Variants in TTLL6 observed in about 807,000 individuals in gnomAD.
TTLL6 encodes tubulin polyglutamylase TTLL6.
A neutral mutation model predicts 96.4 loss-of-function variants in TTLL6; 75 were observed. The ratio of observed to expected loss-of-function variants is 0.78; its 90% CI spans 0.65 to 0.94. The LOEUF (loss-of-function observed/expected upper bound fraction) is 0.94. Ranked by LOEUF, TTLL6 falls within the 40% of genes least tolerant of loss-of-function variation. TTLL6 has a pLI of 0.00. For missense variants in TTLL6, 1,030 were observed against 1,093.0 expected, an observed-to-expected ratio of 0.94 and a Z score of 0.81; for synonymous variants, 411 against 419.4, an observed-to-expected ratio of 0.98 and a Z score of 0.24.
chr17:48,815,452 T>C (rs2039655696), intron 1 of TTLL6: 1 of 152,258 alleles, frequency 6.6e-6, no homozygotes, highest in Non-Finnish European at 1.5e-5. Flanking sequence ...GTAAGACCTC[T>C]GGATCTTGCT....
At chr17:48,784,869 G>C in intron 13 of TTLL6, 54 bp downstream of exon 13, 1 of 1,495,680 alleles carries the variant, frequency 6.7e-7, no homozygotes, top group Non-Finnish European at 9.2e-7. Flanking sequence ...GTAGAGAAAG[G>C]ACCAGTAAGC....
intron 8 of TTLL6, 139 bp downstream of exon 8, chr17:48,795,922 C>G (rs763568834): frequency 6.3e-6 from 4 of 630,228 alleles, no homozygotes; most frequent in Non-Finnish European, 1.1e-5. Flanking sequence ...TTCTGGGTTG[C>G]GAGGCAAAGG....
chr17:48,774,492 A>G (rs1012594895), intron 13 of TTLL6, among the ~76,000 whole-genome samples: 4 of 151,968 alleles, frequency 2.6e-5, no homozygotes, highest in African/African-American at 7.2e-5. Context: ...TAAAAGGTCA[A>G]TAAAATTGAT....
At chr17:48,767,992 C>G (rs2038649184) in intron 15 of TTLL6, among the ~76,000 whole-genome samples, 1 of 152,182 alleles carries the variant, frequency 6.6e-6, no homozygotes, top group Admixed American at 6.5e-5. Flanking sequence ...CTTCTGGGAT[C>G]TCCATATATG....
chr17:48,804,060 C>T, intron 2 of TTLL6, 132 bp from the exon 3 acceptor site: 1 of 1,040,730 alleles, frequency 9.6e-7, no homozygotes, highest in Non-Finnish European at 1.4e-6. Context: ...CCTGGTTTGA[C>T]CGTCCCTGTT....
intron 13 of TTLL6, 69 bp downstream of exon 13, chr17:48,784,851 AGTT>A: frequency 7.3e-7 from 1 of 1,363,162 alleles, no homozygotes; most frequent in Admixed American, 1.8e-5. Context: ...GGTCACAGCA[AGTT>A]GGGGGTAGAG....
At chr17:48,788,058 G>A in intron 10 of TTLL6, 59 bp from the exon 11 acceptor site, 1 of 1,555,680 alleles carries the variant, frequency 6.4e-7, no homozygotes, top group Non-Finnish European at 8.8e-7. Context: ...AGCCTGGAAG[G>A]GATATGTCCA....
intron 13 of TTLL6, among the ~76,000 whole-genome samples, chr17:48,780,495 T>TTAAA (rs1167768868): frequency 1.3e-5 from 2 of 152,212 alleles, no homozygotes; most frequent in African/African-American, 4.8e-5. Flanking sequence ...AAATTGTGGT[T>TTAAA]TAAATAAATA....
intron 13 of TTLL6, among the ~76,000 whole-genome samples, chr17:48,779,384 A>G (rs1353532538): frequency 4.0e-5 from 6 of 150,576 alleles, no homozygotes; most frequent in Non-Finnish European, 5.9e-5. Context: ...AAAAAGACAG[A>G]TAACGCCAAA....
chr17:48,780,310 T>G (rs1334370619), intron 13 of TTLL6, among the ~76,000 whole-genome samples: 2 of 152,052 alleles, frequency 1.3e-5, no homozygotes, highest in African/African-American at 4.8e-5. Context: ...CCTCCCAAAA[T>G]GCTGGCATTA....
At position 48,762,311 on chromosome 17, in the gene TTLL6, A is replaced by C. The variant is rs1194871925; in HGVS notation, c.*663T>G. On this transcript the variant is annotated 3_prime_UTR_variant, in exon 16 of 16. Coordinates refer to ENST00000393382, the MANE Select transcript of TTLL6 (RefSeq NM_001130918.3). Reference sequence around the variant, plus strand: ...TAACATTTCTGCAGGCTGATAGAAGAAGCATCTTCAGGCTGGGTACTCTCG... The same window carrying C: ...TAACATTTCTGCAGGCTGATAGAAGCAGCATCTTCAGGCTGGGTACTCTCG... 6.6e-6 allele frequency: 1 copy of C among 152,142 alleles called. No homozygotes were observed. Among genetic ancestry groups the C allele is most frequent in the East Asian group, 1.9e-4 (1 of 5,192 alleles). 9.4% of individuals were successfully genotyped at this position (152,142 alleles called of 1,614,324 possible).
At chr17:48,776,550 GAAAT>G (rs1040090047) in intron 13 of TTLL6, among the ~76,000 whole-genome samples, 17 of 152,180 alleles carry the variant, frequency 1.1e-4, no homozygotes, top group African/African-American at 3.4e-4. Flanking sequence ...AAAATTTAAA[GAAAT>G]AATTCCATTT....
chr17:48,776,394 G>A (rs1327202368), intron 13 of TTLL6, among the ~76,000 whole-genome samples: 1 of 152,184 alleles, frequency 6.6e-6, no homozygotes, highest in Non-Finnish European at 1.5e-5. Context: ...CTGGGAGGTG[G>A]AGGTTGCAGT....
intron 2 of TTLL6, chr17:48,804,205 T>C: frequency 3.5e-6 from 2 of 563,682 alleles, no homozygotes; most frequent in South Asian, 3.5e-5. Flanking sequence ...CTAACATCAT[T>C]GCCTCAAGCC....
chr17:48,782,475 C>T (rs572046015), intron 13 of TTLL6, among the ~76,000 whole-genome samples: 1 of 152,152 alleles, frequency 6.6e-6, no homozygotes, highest in East Asian at 1.9e-4. Context: ...AATATTTTCT[C>T]CCATTGCCCA....
intron 8 of TTLL6, among the ~76,000 whole-genome samples, chr17:48,795,835 C>T (rs979218282): frequency 6.6e-6 from 1 of 152,184 alleles, no homozygotes; most frequent in African/African-American, 2.4e-5. Flanking sequence ...ATCTCTCCTC[C>T]TCCCAGCCTC....
chr17:48,780,627 T>C (rs1193263624), intron 13 of TTLL6, among the ~76,000 whole-genome samples: 2 of 152,366 alleles, frequency 1.3e-5, no homozygotes, highest in African/African-American at 4.8e-5. Context: ...GTGAAACTTA[T>C]GTATTTATTA....
chr17:48,779,653 A>G (rs2038950070), intron 13 of TTLL6, among the ~76,000 whole-genome samples: 1 of 152,150 alleles, frequency 6.6e-6, no homozygotes, highest in Non-Finnish European at 1.5e-5. Context: ...CAAACAAAAA[A>G]CTGGGAACAA....
At chr17:48,774,518 T>C (rs1022615167) in intron 13 of TTLL6, among the ~76,000 whole-genome samples, 1 of 151,694 alleles carries the variant, frequency 6.6e-6, no homozygotes, top group Non-Finnish European at 1.5e-5. Context: ...CAGCAACATT[T>C]ATAAAGTAAA....
Sources: gnomAD v4.1 joint callset for allele counts (sites outside exome capture counted in the v4.1 genomes callset) on GRCh38, gnomAD v4.1.1 for gene constraint, MANE v1.5 for transcripts, NCBI Gene and HGNC (gene_info 2026-07-23, HGNC 2026-07-21) for gene names.